The following GRB14 variants were observed in gnomAD, a reference collection of about 807,000 sequenced individuals.
GRB14 encodes growth factor receptor bound protein 14.
A neutral mutation model predicts 69.1 loss-of-function variants in GRB14; 38 were observed. The ratio of observed to expected loss-of-function variants is 0.55; its 90% CI spans 0.42 to 0.72. The LOEUF (loss-of-function observed/expected upper bound fraction) is 0.72, where lower values mean the gene tolerates loss of function less well. GRB14 is among the 30% of genes least tolerant of loss of function. The pLI, the probability that GRB14 is intolerant of heterozygous loss-of-function variation, is 0.00. For missense variants in GRB14, 666 were observed against 666.1 expected, an observed-to-expected ratio of 1.00 and a Z score of 0.00; for synonymous variants, 247 against 241.3, an observed-to-expected ratio of 1.02 and a Z score of -0.22.
chr2:164,560,718 C>A (rs1445711937), intron 2 of GRB14, among the ~76,000 whole-genome samples: 2 of 151,960 alleles, frequency 1.3e-5, no homozygotes, highest in African/African-American at 4.8e-5. Context: ...GATAAAACTA[C>A]CCAAGATAAT....
intron 8 of GRB14, among the ~76,000 whole-genome samples, chr2:164,503,442 CAAAAAAAAAAAAAAAAA>C (rs148268784): frequency 0.48 from 45,109 of 93,770 alleles, 10,212 homozygotes; most frequent in Non-Finnish European, 0.55. Flanking sequence ...GGTAATTAGG[CAAAAAAAAAAAAAAAAA>C]AAAAAAAAAA....
chr2:164,556,970 G>A (rs926488610), intron 2 of GRB14, among the ~76,000 whole-genome samples: 2 of 152,142 alleles, frequency 1.3e-5, no homozygotes, highest in Admixed American at 6.5e-5. Flanking sequence ...ACCTCACGGA[G>A]TTTGAAAACC....
At chr2:164,500,288 A>T (rs543241663) in intron 9 of GRB14, among the ~76,000 whole-genome samples, 2 of 152,106 alleles carry the variant, frequency 1.3e-5, no homozygotes, top group Non-Finnish European at 2.9e-5. Context: ...GGTGGCTGTT[A>T]CATCCTTTAT....
rs760802934 is a variant in GRB14, at chr2:164,508,809, T to C, written c.860A>G (p.Asp287Gly). The change falls in exon 7 of 14, where the codon GAT (aspartate) becomes GGT (glycine). Residue 287 changes from aspartate to glycine, a missense_variant. Transcript: ENST00000263915. Reference sequence around the variant, plus strand: ...TTTGCCTGCCAGTGACACATAAATATCACTATTGCCAAATTCGCTGAAAAA... The same window carrying C: ...TTTGCCTGCCAGTGACACATAAATACCACTATTGCCAAATTCGCTGAAAAA... ...LQFFSEFGNS[D>G]IYVSLAGKKK... is the part of the protein sequence containing the mutation. The C allele has an allele frequency of 2.5e-6, 4 of 1,589,410 alleles. No individual in the cohort carries two copies. Among genetic ancestry groups the C allele is most frequent in the Non-Finnish European group, 3.4e-6 (4 of 1,172,374 alleles).
intron 6 of GRB14, among the ~76,000 whole-genome samples, chr2:164,514,500 T>A (rs1021672311): frequency 6.6e-6 from 1 of 151,642 alleles, no homozygotes; most frequent in Non-Finnish European, 1.5e-5. Context: ...AAATTTAGAG[T>A]TGAGTGAAAT....
chr2:164,606,528 T>C (rs1690044691), intron 2 of GRB14, among the ~76,000 whole-genome samples: 1 of 152,172 alleles, frequency 6.6e-6, no homozygotes, highest in African/African-American at 2.4e-5. Context: ...CCTTTAAATA[T>C]TTAGTCATTT....
chr2:164,543,140 A>AT (rs1456604653), intron 3 of GRB14, among the ~76,000 whole-genome samples: 1 of 150,800 alleles, frequency 6.6e-6, no homozygotes, highest in Non-Finnish European at 1.5e-5. Flanking sequence ...TAAAAATAAA[A>AT]TTAAAAAAAA....
In GRB14 at chr2:164,618,353, C is replaced by T. The variant is rs143217952; in HGVS notation, c.324+1334G>A. ...CCATTTTCTATCCAAACCAAAAAGTCAACTCTCAAAGAGCTTGGAAGTTTC... is the reference window on the plus strand; with the variant it reads ...CCATTTTCTATCCAAACCAAAAAGTTAACTCTCAAAGAGCTTGGAAGTTTC... On this transcript the variant is annotated intron_variant, in intron 2 of 13. Transcript: ENST00000263915. 1.6e-3 allele frequency among the ~76,000 whole-genome samples: 245 copies of T among 151,678 alleles called. 2 individuals are homozygous for T. The highest frequency in any genetic ancestry group is 5.8e-3 in the African/African-American group (238 of 41,378).
chr2:164,531,662 A>T (rs1687941281), intron 3 of GRB14, among the ~76,000 whole-genome samples: 1 of 152,158 alleles, frequency 6.6e-6, no homozygotes, highest in East Asian at 1.9e-4. Flanking sequence ...AGGCAGAGTT[A>T]AAGGGTTATT....
At chr2:164,501,085 T>TA (rs1687039157) in intron 9 of GRB14, among the ~76,000 whole-genome samples, 1 of 152,054 alleles carries the variant, frequency 6.6e-6, no homozygotes, top group African/African-American at 2.4e-5. Context: ...AATTGAAAGA[T>TA]AAGAGTAAGC....
intron 3 of GRB14, among the ~76,000 whole-genome samples, chr2:164,538,045 G>A (rs778707529): frequency 2.0e-5 from 3 of 151,988 alleles, no homozygotes; most frequent in Non-Finnish European, 4.4e-5. Flanking sequence ...GCAGGAGGCT[G>A]TGAACCATTC....
At chr2:164,498,916 G>A (rs1228733977) in intron 9 of GRB14, among the ~76,000 whole-genome samples, 1 of 152,062 alleles carries the variant, frequency 6.6e-6, no homozygotes, top group Non-Finnish European at 1.5e-5. Flanking sequence ...ATTTGTTACA[G>A]GAGCCTTTAT....
chr2:164,538,311 A>G, intron 3 of GRB14, among the ~76,000 whole-genome samples: 1 of 152,168 alleles, frequency 6.6e-6, no homozygotes, highest in East Asian at 1.9e-4. Flanking sequence ...CATGGCTTCA[A>G]TTAGGAATCA....
chr2:164,565,278 T>TCACACACACACACA (rs145190294), intron 2 of GRB14, among the ~76,000 whole-genome samples: 3 of 125,728 alleles, frequency 2.4e-5, no homozygotes, highest in African/African-American at 7.6e-5. Context: ...TATCACACAC[T>TCACACACACACACA]CACACACACA....
At chr2:164,617,891 A>C (rs1690337589) in intron 2 of GRB14, among the ~76,000 whole-genome samples, 1 of 139,786 alleles carries the variant, frequency 7.2e-6, no homozygotes, top group African/African-American at 2.6e-5. Flanking sequence ...CTTCCAGATG[A>C]CCATTATGTC....
chr2:164,591,752 T>C (rs1418617093), intron 2 of GRB14, among the ~76,000 whole-genome samples: 2 of 152,148 alleles, frequency 1.3e-5, no homozygotes, highest in Non-Finnish European at 2.9e-5. Flanking sequence ...GCTGACACAC[T>C]TGGTAAACTT....
At chr2:164,560,993 G>A (rs1352474078) in intron 2 of GRB14, among the ~76,000 whole-genome samples, 1 of 152,086 alleles carries the variant, frequency 6.6e-6, no homozygotes, top group African/African-American at 2.4e-5. Context: ...CCAAAAAAGA[G>A]ATTATTATTT....
At chr2:164,533,683 TAAAAC>T (rs1312997925) in intron 3 of GRB14, among the ~76,000 whole-genome samples, 1 of 151,778 alleles carries the variant, frequency 6.6e-6, no homozygotes, top group Non-Finnish European at 1.5e-5. Context: ...AAAAAGAAAA[TAAAAC>T]AAAAAAGGTT....
At chr2:164,510,062 T>C (rs995601237) in intron 6 of GRB14, among the ~76,000 whole-genome samples, 2 of 151,986 alleles carry the variant, frequency 1.3e-5, no homozygotes, top group African/African-American at 4.8e-5. Context: ...CGGAAAAAGG[T>C]AGGAGGAAAG....
Sources: gnomAD v4.1 joint callset for allele counts (sites outside exome capture counted in the v4.1 genomes callset) on GRCh38, gnomAD v4.1.1 for gene constraint, MANE v1.5 for transcripts, NCBI Gene and HGNC (gene_info 2026-07-23, HGNC 2026-07-21) for gene names.